Variants in ANP32A observed in about 807,000 individuals in gnomAD.
ANP32A encodes the protein acidic nuclear phosphoprotein 32 family member A, also known as acidic leucine-rich nuclear phosphoprotein 32 family member A.
A neutral mutation model predicts 33.9 loss-of-function variants in ANP32A; 1 was observed. That is an observed-to-expected ratio of 0.03 (90% CI 0.01 to 0.14). The LOEUF is 0.14. Among genes scored for constraint, ANP32A ranks in the 10% least tolerant of loss-of-function variants. The probability of loss-of-function intolerance (pLI) is 1.00; values close to 1 mark genes in which losing one functional copy is unlikely to be tolerated. For missense variants in ANP32A, 155 were observed against 306.0 expected (o/e 0.51, Z 3.68); for synonymous variants, 115 against 120.5 (o/e 0.95, Z 0.30).
At chr15:68,782,429 G>C (rs1596063042) in intron 5 of ANP32A, among the ~76,000 whole-genome samples, 2 of 152,196 alleles carry the variant, frequency 1.3e-5, no homozygotes, top group Admixed American at 1.3e-4. Flanking sequence ...GGTAGAGCTG[G>C]GACTCACCCC....
At chr15:68,804,489 A>AT (rs1894186285) in intron 1 of ANP32A, among the ~76,000 whole-genome samples, 1 of 152,234 alleles carries the variant, frequency 6.6e-6, no homozygotes, top group Non-Finnish European at 1.5e-5. Flanking sequence ...AACAAAACAC[A>AT]TTTTTAAAAA....
intron 1 of ANP32A, among the ~76,000 whole-genome samples, chr15:68,794,649 T>C (rs764018361): frequency 1.3e-5 from 2 of 152,220 alleles, no homozygotes; most frequent in Non-Finnish European, 2.9e-5. Flanking sequence ...GGTTTTAGAC[T>C]GGGGTGATAG....
chr15:68,820,787 G>A lies in ANP32A; in HGVS notation c.-36C>T, dbSNP rs1328860921. ...CTCTCTCTGCAGAGGCTCCCGCGCC[G>A]GCGGAATTCAATCAATAAACCCCGA... On this transcript the variant is annotated 5_prime_UTR_variant, in exon 1 of 7. Transcript: ENST00000465139. The A allele has an allele frequency of 1.2e-6, 2 of 1,613,472 alleles. No individual in the cohort carries two copies. The highest frequency in any genetic ancestry group is 1.3e-5 in the African/African-American group (1 of 74,900).
rs1478399415 is a variant in ANP32A, at chr15:68,780,008, G to GT, written c.*72_*73insA. 6 of 659,000 alleles carry GT rather than the reference G, an allele frequency of 9.1e-6. No homozygotes were observed. The highest frequency in any genetic ancestry group is 5.0e-5 in the East Asian group (1 of 20,042). 40.8% of individuals were successfully genotyped at this position (659,000 alleles called of 1,614,324 possible). On this transcript the variant is annotated 3_prime_UTR_variant, in exon 7 of 7. Transcript: ENST00000465139. The surrounding 1 kb of genome is among the most constrained non-coding windows in gnomAD (Gnocchi z 4.3). The stretch of plus-strand genomic sequence containing the variant: ...ATAAGTTTCAGGGGGCAGGATTGGA[G>GT]GGGGGGGGGAGAGGGGATATGGGTA...
chr15:68,786,283 A>G (rs552477578), intron 3 of ANP32A, among the ~76,000 whole-genome samples: 8 of 127,194 alleles, frequency 6.3e-5, no homozygotes, highest in Non-Finnish European at 4.7e-5. Context: ...TTTTGGAGAC[A>G]GAGTCTCACT....
chr15:68,802,203 A>C (rs1349338951), intron 1 of ANP32A, among the ~76,000 whole-genome samples: 1 of 152,100 alleles, frequency 6.6e-6, no homozygotes, highest in African/African-American at 2.4e-5. Context: ...TCATGGTTTT[A>C]AAACCAAAAT....
Position 68,784,345 on chromosome 15 carries a change from C to A in ANP32A, c.526+52G>T, listed in dbSNP as rs1402225309. The A allele has an allele frequency of 3.8e-6, 6 of 1,590,416 alleles. No individual in the cohort carries two copies. The African/African-American group carries it at 6.7e-5, about 18-fold the overall frequency. Reference sequence around the variant, plus strand: ...CACCTCTGCAAAGCCAAGGACGAGCCCCAAGGCCTCAGCTGGGCCCCTGCA... The same window carrying A: ...CACCTCTGCAAAGCCAAGGACGAGCACCAAGGCCTCAGCTGGGCCCCTGCA... On this transcript the variant is annotated intron_variant, in intron 4 of 6. Transcript: ENST00000465139.
Position 68,779,100 on chromosome 15 carries a change from A to C in ANP32A, c.*981T>G, listed in dbSNP as rs1339054696. On this transcript the variant is annotated 3_prime_UTR_variant, in exon 7 of 7. Transcript: ENST00000465139. ...AAAGCAAACCTGTACATTCACTAGG[A>C]ATTTGCAGTCATTTCAGATTTCCAC... 1.3e-5 allele frequency: 2 copies of C among 152,130 alleles called. No individual in the cohort carries two copies. The highest frequency in any genetic ancestry group is 2.9e-5 in the Non-Finnish European group (2 of 68,014). The allele number at this position is 152,130 out of a possible 1,614,324, so 9.4% of individuals were successfully genotyped here.
chr15:68,820,864 T>G lies in ANP32A; in HGVS notation c.-113A>C, dbSNP rs538371356. On this transcript the variant is annotated 5_prime_UTR_variant, in exon 1 of 7. Transcript: ENST00000465139. ...TGAAGGCTCAACCAGCTCCGCTCGG[T>G]TCTCGAGCCCCCAGCACCCGCGGCG... is the stretch of plus-strand genomic sequence containing the variant. The G allele has an allele frequency of 1.6e-6, 2 of 1,289,102 alleles. No individual in the cohort carries two copies. The highest frequency in any genetic ancestry group is 2.5e-5 in the South Asian group (2 of 81,586). 79.9% of individuals were successfully genotyped at this position (1,289,102 alleles called of 1,614,324 possible).
At chr15:68,818,877 C>T (rs911585506) in intron 1 of ANP32A, among the ~76,000 whole-genome samples, 17 of 151,900 alleles carry the variant, frequency 1.1e-4, no homozygotes, top group Admixed American at 8.5e-4. Flanking sequence ...CGGGTCCCGG[C>T]CGGGACGAAA....
At chr15:68,803,465 CA>C (rs1170776260) in intron 1 of ANP32A, among the ~76,000 whole-genome samples, 1 of 152,188 alleles carries the variant, frequency 6.6e-6, no homozygotes, top group African/African-American at 2.4e-5. Flanking sequence ...TTTAAAGCAG[CA>C]CCTAAGCCCC....
Position 68,810,187 on chromosome 15 carries a change from C to G in ANP32A, c.54+10511G>C, listed in dbSNP as rs529364504. On this transcript the variant is annotated intron_variant, in intron 1 of 6. Coordinates refer to ENST00000465139, the MANE Select transcript of ANP32A (RefSeq NM_006305.4). ...GACGGGAAGTGGCCAGACCATGCAG[C>G]ACCTTGTTGGTCTTATTAAAGATTT... 2.0e-5 allele frequency among the ~76,000 whole-genome samples: 3 copies of G among 152,248 alleles called. No individual in the cohort carries two copies. The South Asian group carries it at 6.2e-4, about 32-fold the overall frequency.
At chr15:68,782,656 G>T in intron 5 of ANP32A, 1 of 378,370 alleles carries the variant, frequency 2.6e-6, no homozygotes, top group Non-Finnish European at 4.9e-6. Flanking sequence ...GCAGAAAATG[G>T]GGCCATGCAT....
At chr15:68,818,936 G>A (rs930539059) in intron 1 of ANP32A, among the ~76,000 whole-genome samples, 28 of 151,784 alleles carry the variant, frequency 1.8e-4, no homozygotes, top group Non-Finnish European at 3.7e-4. Flanking sequence ...GGAAACTCCG[G>A]CCTCCACCGG....
chr15:68,789,030 G>A (rs1355119805), intron 1 of ANP32A, among the ~76,000 whole-genome samples: 1 of 152,228 alleles, frequency 6.6e-6, no homozygotes, highest in Non-Finnish European at 1.5e-5. Flanking sequence ...ATGACCCTGG[G>A]AGTAAGCAAA....
intron 1 of ANP32A, among the ~76,000 whole-genome samples, chr15:68,807,280 G>C (rs1223269411): frequency 6.7e-6 from 1 of 150,080 alleles, no homozygotes; most frequent in East Asian, 1.9e-4. Flanking sequence ...AGCCAGAGGG[G>C]AGTTTAAAGG....
At chr15:68,812,174 G>A (rs1485161964) in intron 1 of ANP32A, among the ~76,000 whole-genome samples, 1 of 152,164 alleles carries the variant, frequency 6.6e-6, no homozygotes, top group East Asian at 1.9e-4. Context: ...ATTTTGCGGA[G>A]ACAAAAAGGG....
chr15:68,780,545 G>A lies in ANP32A; in HGVS notation c.625-72C>T. On this transcript the variant is annotated intron_variant, in intron 5 of 6. Transcript: ENST00000465139. The surrounding 1 kb of genome is among the most constrained non-coding windows in gnomAD (Gnocchi z 4.3). ...GGACATGCTGAGGAAGCCACACAGA[G>A]CACAAAAAGGCCGGGGTCACCCCCA... 1.3e-6 allele frequency: 2 copies of A among 1,592,488 alleles called. No homozygotes were observed. The highest frequency in any genetic ancestry group is 1.7e-6 in the Non-Finnish European group (2 of 1,170,358).
intron 1 of ANP32A, among the ~76,000 whole-genome samples, chr15:68,795,487 C>T (rs994725635): frequency 2.0e-5 from 3 of 152,216 alleles, no homozygotes; most frequent in African/African-American, 7.2e-5. Flanking sequence ...TAGGCTAAGC[C>T]GCCGGCGCGG....
Sources: allele counts gnomAD v4.1 joint callset (sites outside exome capture counted in the v4.1 genomes callset), GRCh38; gene constraint gnomAD v4.1.1; non-coding constraint Gnocchi (gnomAD v3.1); transcripts MANE v1.5; gene names NCBI Gene and HGNC (gene_info 2026-07-23, HGNC 2026-07-21).